The following RHBDF1 variants were observed in gnomAD, a reference collection of about 807,000 sequenced individuals.
RHBDF1 encodes rhomboid 5 homolog 1.
RHBDF1 carries 80 observed loss-of-function variants against 98.6 expected under a neutral mutation model. The observed-to-expected ratio is 0.81, with a 90% CI of 0.68 to 0.98. RHBDF1 has a LOEUF of 0.98. RHBDF1 is among the 50% of genes least tolerant of loss of function. RHBDF1 has a pLI of 0.00. For synonymous variants in RHBDF1, 512 were observed against 486.8 expected, an observed-to-expected ratio of 1.05 and a Z score of -0.68; for missense variants, 1,116 against 1,198.3, an observed-to-expected ratio of 0.93 and a Z score of 1.01.
intron 16 of RHBDF1, 34 bp from the exon 17 acceptor site, chr16:59,161 T>C (rs370222668): frequency 1.9e-6 from 3 of 1,605,782 alleles, no homozygotes; most frequent in Non-Finnish European, 2.6e-6. Context: ...TCGGGAGACA[T>C]TCAGCAGGGA....
intron 1 of RHBDF1, among the ~76,000 whole-genome samples, chr16:66,244 C>T (rs573642861): frequency 4.6e-5 from 7 of 152,172 alleles, no homozygotes; most frequent in African/African-American, 7.2e-5. Context: ...GGCTCGGAGC[C>T]GCTGGGTCGG....
intron 1 of RHBDF1, among the ~76,000 whole-genome samples, chr16:65,317 T>A (rs1192650200): frequency 6.6e-6 from 1 of 152,246 alleles, no homozygotes; most frequent in East Asian, 1.9e-4. Context: ...CTCTAGGTGC[T>A]TGAGGCACAT....
At chr16:64,876 A>T in intron 2 of RHBDF1, 23 bp downstream of exon 2, 9 of 1,613,852 alleles carry the variant, frequency 5.6e-6, no homozygotes, top group Non-Finnish European at 6.8e-6. Context: ...GGGCACCCAC[A>T]GTCCCTGCAG....
chr16:58,261 T>C lies in RHBDF1; in HGVS notation c.*79A>G. The C allele has an allele frequency of 7.0e-7, 1 of 1,434,572 alleles. No individual in the cohort carries two copies. Among genetic ancestry groups the C allele is most frequent in the African/African-American group, 1.4e-5 (1 of 70,780 alleles). The allele number at this position is 1,434,572 out of a possible 1,614,324, so 88.9% of individuals were successfully genotyped here. ...GTCCCCACATGGAGCAGGTGACTCC[T>C]GTAAGCCTGTGAGGCTCAGGGAGGT... On this transcript the variant is annotated 3_prime_UTR_variant, in exon 18 of 18. Coordinates refer to ENST00000262316, the MANE Select transcript of RHBDF1 (RefSeq NM_022450.5).
Position 63,086 on chromosome 16 carries a change from C to A in RHBDF1, c.559G>T (p.Ala187Ser). ...GAGCTGGAGAAGGAGCAGAGGGAGG[C>A]AGCACCCGGCGTGACGGGAGTGTGT... ...APHTPVTPGA[A>S]SLCSFSSSRS... The change falls in exon 5 of 18, where the codon GCC (alanine) becomes TCC (serine). Residue 187 changes from alanine (A) to serine (S), a missense_variant. By Grantham distance (99) the Ala-to-Ser change is moderately conservative. Transcript: ENST00000262316. 1 of 1,611,608 alleles carries A rather than the reference C, an allele frequency of 6.2e-7. No homozygotes were observed. Among genetic ancestry groups the A allele is most frequent in the Non-Finnish European group, 8.5e-7 (1 of 1,179,312 alleles).
chr16:64,019 G>T, intron 3 of RHBDF1: 2 of 707,130 alleles, frequency 2.8e-6, no homozygotes, highest in Non-Finnish European at 5.2e-6. Flanking sequence ...AGCTGGCCTT[G>T]CCCGGTTGAG....
chr16:75,653 C>G (rs1338482815), upstream of RHBDF1, among the ~76,000 whole-genome samples: 1 of 152,190 alleles, frequency 6.6e-6, no homozygotes, highest in Admixed American at 6.5e-5. Flanking sequence ...CAGCACAGCC[C>G]CAGGCAGGGA....
At chr16:61,026 A>G in intron 11 of RHBDF1, 94 bp downstream of exon 11, 1 of 1,366,500 alleles carries the variant, frequency 7.3e-7, no homozygotes, top group Non-Finnish European at 9.8e-7. Flanking sequence ...TGTGCCAGGA[A>G]CGAGGGCGAA....
chr16:75,743 C>T (rs551841706), upstream of RHBDF1, among the ~76,000 whole-genome samples: 13 of 152,298 alleles, frequency 8.5e-5, no homozygotes, highest in African/African-American at 3.1e-4. Flanking sequence ...CCCTCCAGGG[C>T]TCATCAGACA....
chr16:74,163 G>A (rs2562154), upstream of RHBDF1, among the ~76,000 whole-genome samples: 1 of 152,022 alleles, frequency 6.6e-6, no homozygotes, highest in African/African-American at 2.4e-5. Context: ...TCAGTGCTCC[G>A]ATAGCCTGCA....
rs965916976 is a variant in RHBDF1 at position 64,784 on chromosome 16, C to T, written c.163G>A (p.Glu55Lys). ...TGGGGTGAAGAGATGTGGGCTGTCT[C>T]GGCTGGCATACTCACACTCCTCAGG... ...AFLRSVSMPA[E>K]TAHISSPHHE... The change falls in exon 3 of 18, where the codon GAG (glutamate) becomes AAG (lysine). Residue 55 changes from glutamate (E) to lysine (K), a missense_variant. Glu to Lys is a moderately conservative substitution (Grantham distance 56). Transcript: ENST00000262316. 1.6e-5 allele frequency: 26 copies of T among 1,613,904 alleles called. No individual in the cohort carries two copies. The East Asian group carries it at 2.7e-4, about 17-fold the overall frequency.
chr16:71,894 T>C (rs1291224119), intron 1 of RHBDF1, among the ~76,000 whole-genome samples: 3 of 152,234 alleles, frequency 2.0e-5, no homozygotes, highest in Non-Finnish European at 2.9e-5. Context: ...AGTGAGAGTC[T>C]GTCTTCGGGA....
At chr16:67,287 C>T (rs1188512015) in intron 1 of RHBDF1, among the ~76,000 whole-genome samples, 1 of 152,218 alleles carries the variant, frequency 6.6e-6, no homozygotes, top group Non-Finnish European at 1.5e-5. Context: ...TGGACGAATG[C>T]TCTTAGTGAG....
At chr16:60,127 G>T in intron 13 of RHBDF1, 89 bp downstream of exon 13, 2 of 1,599,542 alleles carry the variant, frequency 1.3e-6, no homozygotes, top group Non-Finnish European at 8.5e-7. Flanking sequence ...CCCATGATGG[G>T]AATCTCTGGT....
At chr16:62,748 TG>T (rs987590089) in intron 6 of RHBDF1, 26 bp downstream of exon 6, 2 of 1,613,574 alleles carry the variant, frequency 1.2e-6, no homozygotes, top group African/African-American at 1.3e-5. Context: ...GAACGTGGGG[TG>T]GGGGGACACC....
upstream of RHBDF1, chr16:72,704 G>A: frequency 1.0e-6 from 1 of 984,334 alleles, no homozygotes; most frequent in Non-Finnish European, 1.2e-6. Context: ...CAGAGCTCAG[G>A]AATGCGCGCC....
At position 59,454 on chromosome 16, in the gene RHBDF1, C is replaced by A. The variant is rs755234256; in HGVS notation, c.1858G>T (p.Gly620Cys). ...AGCGTGGCCTCCTCATGGAAGTAGC[C>A]CCTCATGAAGTCACAGTACTCCCGG... ...TSREYCDFMR[G>C]YFHEEATLCS... Residue 620 changes from glycine to cysteine, a missense_variant, in exon 15 of 18, where the codon GGC becomes TGC. By Grantham distance (159) the Gly-to-Cys change is radical. Transcript: ENST00000262316. The A allele has an allele frequency of 6.2e-7, 1 of 1,613,782 alleles. No individual in the cohort carries two copies. The highest frequency in any genetic ancestry group is 2.2e-5 in the East Asian group (1 of 44,876).
At position 60,196 on chromosome 16, in the gene RHBDF1, A is replaced by AC. The variant is rs762085492; in HGVS notation, c.1722+19dup. 116 of 1,611,426 alleles carry AC rather than the reference A, an allele frequency of 7.2e-5. No homozygotes were observed. The highest frequency in any genetic ancestry group is 7.4e-5 in the Non-Finnish European group (87 of 1,178,886). The stretch of plus-strand genomic sequence containing the variant: ...ACATGACACGGAGGGCTCCCTAACA[A>AC]CCCCCCCACTGCAGCTCACCGGCCA... On this transcript the variant is annotated intron_variant, in intron 13 of 17. Transcript: ENST00000262316.
In RHBDF1 at chr16:63,050, A is replaced by G. The variant is rs1194740121; in HGVS notation, c.595T>C (p.Phe199Leu). 6.2e-7 allele frequency: 1 copy of G among 1,612,836 alleles called. No homozygotes were observed. The highest frequency in any genetic ancestry group is 8.5e-7 in the Non-Finnish European group (1 of 1,179,826). ...LCSFSSSRSGFHRLPRRRKRE... is the reference protein window; with the variant it reads ...LCSFSSSRSGLHRLPRRRKRE... ...TTGCGCCGCCGCGGGAGCCGGTGGA[A>G]ACCTGAGCGGGAGCTGGAGAAGGAG... The change falls in exon 5 of 18, where the codon TTC (phenylalanine) becomes CTC (leucine). Residue 199 changes from phenylalanine to leucine, a missense_variant. Transcript: ENST00000262316.
Sources: gnomAD v4.1 joint callset for allele counts (sites outside exome capture counted in the v4.1 genomes callset) on GRCh38, gnomAD v4.1.1 for gene constraint, MANE v1.5 for transcripts, NCBI Gene and HGNC (gene_info 2026-07-23, HGNC 2026-07-21) for gene names.